The following C3orf49 variants were observed in gnomAD, a reference collection of about 807,000 sequenced individuals.
C3orf49 encodes the protein chromosome 3 open reading frame 49, also known as putative uncharacterized protein C3orf49.
Under a neutral mutation model 13.3 loss-of-function variants are expected in C3orf49, and 27 were observed. The ratio of observed to expected loss-of-function variants is 2.02; its 90% confidence interval spans 1.49 to 2.79. The LOEUF (loss-of-function observed/expected upper bound fraction) is 2.79. Ranked by LOEUF, C3orf49 falls within the 30% of genes most tolerant of loss-of-function variation. The probability of loss-of-function intolerance (pLI) is 0.00; values close to 1 mark genes in which losing one functional copy is unlikely to be tolerated. For synonymous variants in C3orf49, 87 were observed against 47.6 expected (o/e 1.83, Z -3.40); for missense variants, 242 against 134.2 (o/e 1.80, Z -3.97).
At chr3:63,829,001 G>C (rs185612970) in intron 3 of C3orf49, among the ~76,000 whole-genome samples, 112 of 152,296 alleles carry the variant, frequency 7.4e-4, no homozygotes, top group Non-Finnish European at 1.3e-3. Context: ...AGTTGCACTA[G>C]CTACGTTTCA....
intron 5 of C3orf49, chr3:63,839,603 G>T (rs775555606): frequency 9.6e-5 from 139 of 1,445,980 alleles, no homozygotes; most frequent in Non-Finnish European, 1.3e-4. Context: ...TTAATATAGG[G>T]CCTAAAATCA....
chr3:63,793,277 T>A, the C3orf49 span, among the ~76,000 whole-genome samples: 1 of 152,154 alleles, frequency 6.6e-6, no homozygotes, highest in Admixed American at 6.5e-5. Flanking sequence ...GACATATCCA[T>A]CATACCTCAC....
Position 63,823,481 on chromosome 3 carries a change from A to T in C3orf49, c.357A>T (p.Ser119=). ...CTGACCATAAAGAAGCCCTCCTGTC[A>T]AACACGCAGAGCCTTCTCCCTAGGA... ...GSTDHKEALL[S]NTQSLLPRIV... The change falls in exon 2 of 7, where the codon TCA becomes TCT. Residue 119 remains serine, a synonymous_variant. Coordinates refer to ENST00000295896, the MANE Select transcript of C3orf49 (RefSeq NM_001355236.2). 1 of 703,090 alleles carries T rather than the reference A, an allele frequency of 1.4e-6. No homozygotes were observed. The highest frequency in any genetic ancestry group is 2.6e-6 in the Non-Finnish European group (1 of 385,026). The allele number at this position is 703,090 out of a possible 1,614,324, so 43.6% of individuals were successfully genotyped here. A position where few individuals can be genotyped will look rare whatever the true frequency, so the allele number is the denominator to read the frequency against.
At chr3:63,824,864 A>G (rs538926239) in intron 2 of C3orf49, among the ~76,000 whole-genome samples, 59 of 151,922 alleles carry the variant, frequency 3.9e-4, no homozygotes, top group Non-Finnish European at 7.5e-4. Context: ...AGAAAAAGAA[A>G]AAGTCTATTT....
At chr3:63,835,461 T>C (rs955775983) in intron 5 of C3orf49, 10 of 1,372,760 alleles carry the variant, frequency 7.3e-6, no homozygotes, top group Admixed American at 1.8e-5. Context: ...GCCTAACTTT[T>C]AAGTTACTAG....
At chr3:63,834,847 TG>T (rs1450908448) in intron 5 of C3orf49, among the ~76,000 whole-genome samples, 1 of 152,160 alleles carries the variant, frequency 6.6e-6, no homozygotes, top group African/African-American at 2.4e-5. Flanking sequence ...ATTGCCTGCC[TG>T]GGTCCTGAGT....
the C3orf49 span, among the ~76,000 whole-genome samples, chr3:63,780,820 A>G: frequency 6.6e-6 from 1 of 152,100 alleles, no homozygotes; most frequent in African/African-American, 2.4e-5. Flanking sequence ...TCCTTCACCC[A>G]CTTGTTGATG....
intron 5 of C3orf49, chr3:63,839,656 C>A: frequency 6.2e-7 from 1 of 1,610,812 alleles, no homozygotes; most frequent in Non-Finnish European, 8.5e-7. Flanking sequence ...AATGAAATAC[C>A]CCTCTTCCTG....
chr3:63,784,037 A>C, the C3orf49 span, among the ~76,000 whole-genome samples: 1 of 152,184 alleles, frequency 6.6e-6, no homozygotes, highest in Non-Finnish European at 1.5e-5. Flanking sequence ...AGGTCTGCTC[A>C]GTGACCCTAG....
upstream of C3orf49, among the ~76,000 whole-genome samples, chr3:63,815,771 C>CTTTTTT (rs1227837780): frequency 1.0e-4 from 14 of 136,574 alleles, 1 homozygote; most frequent in African/African-American, 3.4e-4. Flanking sequence ...TCTTTTCTTT[C>CTTTTTT]TTTTTTTTTT....
At chr3:63,801,290 G>A in the C3orf49 span, among the ~76,000 whole-genome samples, 1 of 151,702 alleles carries the variant, frequency 6.6e-6, no homozygotes, top group African/African-American at 2.4e-5. Context: ...GAACATGTAG[G>A]CATTAAATAT....
the C3orf49 span, among the ~76,000 whole-genome samples, chr3:63,801,081 G>T: frequency 2.0e-5 from 3 of 151,908 alleles, no homozygotes; most frequent in African/African-American, 7.3e-5. Context: ...TTTACCGTCT[G>T]CCCTGGGGAA....
intron 1 of C3orf49, among the ~76,000 whole-genome samples, chr3:63,822,793 A>G (rs1230616022): frequency 6.6e-6 from 1 of 152,238 alleles, no homozygotes; most frequent in Non-Finnish European, 1.5e-5. Flanking sequence ...TGACTACCCT[A>G]GCAGACTCTC....
At chr3:63,788,560 A>G in the C3orf49 span, among the ~76,000 whole-genome samples, 51 of 152,260 alleles carry the variant, frequency 3.3e-4, 2 homozygotes, top group East Asian at 8.7e-3. Flanking sequence ...ACAAGGCAAG[A>G]GAAGAATGGT....
chr3:63,826,447 T>C (rs1376710679), intron 2 of C3orf49, among the ~76,000 whole-genome samples: 1 of 151,596 alleles, frequency 6.6e-6, no homozygotes, highest in Non-Finnish European at 1.5e-5. Flanking sequence ...CAGTGAAGGG[T>C]TGGGGAGAGG....
the C3orf49 span, among the ~76,000 whole-genome samples, chr3:63,810,541 C>T: frequency 7.9e-5 from 12 of 152,268 alleles, no homozygotes; most frequent in South Asian, 4.1e-4. Flanking sequence ...TTTCGTGACA[C>T]GGAATGCACT....
At chr3:63,829,625 C>T (rs775385429) in intron 3 of C3orf49, among the ~76,000 whole-genome samples, 1 of 152,092 alleles carries the variant, frequency 6.6e-6, no homozygotes, top group African/African-American at 2.4e-5. Flanking sequence ...TGTCAACTAG[C>T]TATAAAAATG....
chr3:63,826,849 T>G (rs1575797210), intron 2 of C3orf49: 1 of 152,120 alleles, frequency 6.6e-6, no homozygotes, highest in Middle Eastern at 3.4e-3. Context: ...CTCGGGAGGC[T>G]GAGGCAGGAG....
chr3:63,798,537 C>T, the C3orf49 span, among the ~76,000 whole-genome samples: 10 of 152,088 alleles, frequency 6.6e-5, no homozygotes, highest in African/African-American at 2.4e-4. Flanking sequence ...ATAATAAACA[C>T]TTAATAGTTA....
Sources: gnomAD v4.1 joint callset for allele counts (sites outside exome capture counted in the v4.1 genomes callset) on GRCh38, gnomAD v4.1.1 for gene constraint, MANE v1.5 for transcripts, NCBI Gene and HGNC (gene_info 2026-07-23, HGNC 2026-07-21) for gene names.